SPATS2L: variants seen among roughly 807,000 people sequenced by gnomAD.
SPATS2L encodes the protein spermatogenesis associated serine rich 2 like.
In SPATS2L, 30 loss-of-function variants were observed where a neutral mutation model predicts 59.6. That is an observed-to-expected ratio of 0.50 (90% CI 0.38 to 0.68). The LOEUF (loss-of-function observed/expected upper bound fraction) is 0.68. Among genes scored for constraint, SPATS2L ranks in the 30% least tolerant of loss-of-function variants. The pLI, the probability that SPATS2L is intolerant of heterozygous loss-of-function variation, is 0.00. For missense variants in SPATS2L, 615 were observed against 700.0 expected, an observed-to-expected ratio of 0.88 and a Z score of 1.37; for synonymous variants, 252 against 263.5, an observed-to-expected ratio of 0.96 and a Z score of 0.42.
rs985754879 is a variant in SPATS2L, at chr2:200,480,756, A to G, written c.*2725A>G. The G allele has an allele frequency of 1.3e-5, 2 of 152,172 alleles. No homozygotes were observed. Among genetic ancestry groups the G allele is most frequent in the African/African-American group, 4.8e-5 (2 of 41,438 alleles). 9.4% of individuals were successfully genotyped at this position (152,172 alleles called of 1,614,324 possible). On this transcript the variant is annotated 3_prime_UTR_variant, in exon 13 of 13. Transcript: ENST00000409140. ...ACAGTAATTTCAATATTTTAGTGCC[A>G]ATGTCAGGCCGCTTAAACACTGTAT...
chr2:200,346,571 C>T (rs2105833137), intron 2 of SPATS2L, among the ~76,000 whole-genome samples: 1 of 152,270 alleles, frequency 6.6e-6, no homozygotes, highest in East Asian at 1.9e-4. Flanking sequence ...TTCCTTTTCT[C>T]ATAAAACACT....
chr2:200,455,987 T>C (rs544915778), intron 8 of SPATS2L, among the ~76,000 whole-genome samples: 1 of 152,306 alleles, frequency 6.6e-6, no homozygotes, highest in East Asian at 1.9e-4. Context: ...ACTCGCTTGA[T>C]GTAAGGCTGG....
chr2:200,464,771 G>A (rs1344721689), intron 9 of SPATS2L, among the ~76,000 whole-genome samples: 6 of 53,012 alleles, frequency 1.1e-4, no homozygotes, highest in Admixed American at 6.8e-4. Flanking sequence ...GAGCCACTGC[G>A]CCTGGCAACA....
intron 1 of SPATS2L, among the ~76,000 whole-genome samples, chr2:200,307,158 G>GGGCAAGCGGGAGGAGGCGCC (rs2079046655): frequency 6.6e-6 from 1 of 151,148 alleles, no homozygotes; most frequent in South Asian, 2.1e-4. Flanking sequence ...CAGCCGGCGC[G>GGGCAAGCGGGAGGAGGCGCC]GGCAAGCGGG....
At chr2:200,454,094 G>C (rs1452885711) in intron 8 of SPATS2L, among the ~76,000 whole-genome samples, 1 of 152,132 alleles carries the variant, frequency 6.6e-6, no homozygotes, top group Admixed American at 6.5e-5. Context: ...AAATTGTCTG[G>C]GATCAGATGG....
intron 9 of SPATS2L, among the ~76,000 whole-genome samples, chr2:200,461,956 A>G (rs1478597171): frequency 6.6e-6 from 1 of 152,244 alleles, no homozygotes; most frequent in Non-Finnish European, 1.5e-5. Context: ...AATGAAACTA[A>G]TGTGATCCAG....
chr2:200,478,097 G>A lies in SPATS2L; in HGVS notation c.*66G>A, dbSNP rs1367000313. 1.0e-5 allele frequency: 15 copies of A among 1,435,628 alleles called. No individual in the cohort carries two copies. The highest frequency in any genetic ancestry group is 5.7e-5 in the African/African-American group (4 of 70,114). The allele number at this position is 1,435,628 out of a possible 1,614,324, so 88.9% of individuals were successfully genotyped here. A position where few individuals can be genotyped will look rare whatever the true frequency, so the allele number is the denominator to read the frequency against. ...CCTGCCCGAGGTGCTGACCCAATTC[G>A]CTGCCAAAAGAGTGTCAATCAGAAT... On this transcript the variant is annotated 3_prime_UTR_variant, in exon 13 of 13. Coordinates refer to ENST00000409140, the MANE Select transcript of SPATS2L (RefSeq NM_001100423.2).
At chr2:200,309,187 G>A (rs888108859) in intron 1 of SPATS2L, 1 of 715,384 alleles carries the variant, frequency 1.4e-6, no homozygotes, top group African/African-American at 1.7e-5. Flanking sequence ...TCAGAGTTGT[G>A]TTATCAATCA....
At chr2:200,316,547 G>A (rs983259507) in intron 1 of SPATS2L, among the ~76,000 whole-genome samples, 3 of 152,188 alleles carry the variant, frequency 2.0e-5, no homozygotes, top group South Asian at 2.1e-4. Flanking sequence ...GCGACTTCGC[G>A]GACCAACCAT....
chr2:200,375,904 G>A (rs780330182), intron 2 of SPATS2L, among the ~76,000 whole-genome samples: 3 of 152,202 alleles, frequency 2.0e-5, no homozygotes, highest in Non-Finnish European at 4.4e-5. Context: ...TGGGATTACA[G>A]GCATGAGTGA....
At chr2:200,395,887 T>C (rs1474773264) in intron 3 of SPATS2L, among the ~76,000 whole-genome samples, 2 of 150,548 alleles carry the variant, frequency 1.3e-5, no homozygotes, top group African/African-American at 4.9e-5. Flanking sequence ...GGTGGACACC[T>C]ATAATCCCAA....
intron 2 of SPATS2L, among the ~76,000 whole-genome samples, chr2:200,381,641 A>G (rs527313306): frequency 6.6e-6 from 1 of 152,328 alleles, no homozygotes; most frequent in African/African-American, 2.4e-5. Flanking sequence ...AGAAATGCAT[A>G]TGTCTCTTGA....
At chr2:200,324,688 T>C (rs900551808) in intron 1 of SPATS2L, among the ~76,000 whole-genome samples, 15 of 152,192 alleles carry the variant, frequency 9.9e-5, no homozygotes, top group Non-Finnish European at 1.8e-4. Context: ...TTTTTTTCTG[T>C]TGTACTTTCT....
chr2:200,372,187 A>C, intron 2 of SPATS2L: 1 of 985,398 alleles, frequency 1.0e-6, no homozygotes, highest in Non-Finnish European at 1.2e-6. Context: ...GACTGCAAAA[A>C]CAACATTGTT....
rs931706700 is a variant in SPATS2L, at chr2:200,306,717, TC to T, written c.-276del. ...GAGTTGTGTCAGTGAAGGAATCCAG[TC>T]CGGGGGCCGAGCTGGCTGCGCCCTC... is the stretch of plus-strand genomic sequence containing the variant. On this transcript the variant is annotated 5_prime_UTR_variant, in exon 1 of 13. Transcript: ENST00000409140. 77 of 979,750 alleles carry T rather than the reference TC, an allele frequency of 7.9e-5. 1 individual carries two copies. The highest frequency in any genetic ancestry group is 8.7e-5 in the Non-Finnish European group (72 of 828,084). The allele number at this position is 979,750 out of a possible 1,614,324, so 60.7% of individuals were successfully genotyped here.
At chr2:200,447,704 A>G (rs1237404618) in intron 8 of SPATS2L, among the ~76,000 whole-genome samples, 1 of 152,194 alleles carries the variant, frequency 6.6e-6, no homozygotes, top group Non-Finnish European at 1.5e-5. Flanking sequence ...GGGGTAGTAT[A>G]GTGTAGTTGT....
At chr2:200,383,438 T>G (rs925575391) in intron 2 of SPATS2L, among the ~76,000 whole-genome samples, 4 of 152,234 alleles carry the variant, frequency 2.6e-5, no homozygotes, top group Non-Finnish European at 5.9e-5. Context: ...TCGGCCTCTA[T>G]TAAACCCTTC....
At chr2:200,473,085 A>T in intron 12 of SPATS2L, 33 bp downstream of exon 12, 1 of 1,305,052 alleles carries the variant, frequency 7.7e-7, no homozygotes, top group Non-Finnish European at 1.0e-6. Flanking sequence ...TGCCAGAGGA[A>T]AAAAAAAAAA....
intron 2 of SPATS2L, among the ~76,000 whole-genome samples, chr2:200,353,141 C>T (rs2105849265): frequency 6.6e-6 from 1 of 152,248 alleles, no homozygotes; most frequent in South Asian, 2.1e-4. Context: ...TTCAAAAATA[C>T]CTTGATTTTA....
Sources: allele counts gnomAD v4.1 joint callset (sites outside exome capture counted in the v4.1 genomes callset), GRCh38; gene constraint gnomAD v4.1.1; transcripts MANE v1.5; gene names NCBI Gene and HGNC (gene_info 2026-07-23, HGNC 2026-07-21).